The following HSBP1 variants were observed in gnomAD, a reference collection of about 807,000 sequenced individuals.
HSBP1 encodes heat shock factor-binding protein 1.
Under a neutral mutation model 9.6 loss-of-function variants are expected in HSBP1, and 5 were observed. The observed-to-expected ratio is 0.52, with a 90% CI of 0.27 to 1.09. The LOEUF (loss-of-function observed/expected upper bound fraction) is 1.09. Among genes scored for constraint, HSBP1 ranks in the 50% least tolerant of loss-of-function variants. The pLI, the probability that HSBP1 is intolerant of heterozygous loss-of-function variation, is 0.11. For missense variants in HSBP1, 121 were observed against 96.3 expected (o/e 1.26, Z -1.07); for synonymous variants, 42 against 33.3 (o/e 1.26, Z -0.90).
rs11558775 is a variant in HSBP1, at chr16:83,811,473, C to T, written c.*55C>T. On this transcript the variant is annotated 3_prime_UTR_variant, in exon 4 of 4. Transcript: ENST00000433866. ...GCATTTTTCCAAGCCAAGAGAAGAT[C>T]GAATGGCTTTTTGCAGCTAACTACT... 14 of 152,138 alleles carry T rather than the reference C, an allele frequency of 9.2e-5. No homozygotes were observed. The highest frequency in any genetic ancestry group is 3.1e-4 in the African/African-American group (13 of 41,422). 9.4% of individuals were successfully genotyped at this position (152,138 alleles called of 1,614,324 possible). A position where few individuals can be genotyped will look rare whatever the true frequency, so the allele number is the denominator to read the frequency against.
chr16:83,812,711 A>C lies in HSBP1; in HGVS notation c.*1293A>C, dbSNP rs1002087343. The C allele has an allele frequency of 2.0e-5, 3 of 152,168 alleles. No individual in the cohort carries two copies. In the East Asian group the frequency reaches 5.8e-4, roughly 29 times the overall value. 9.4% of individuals were successfully genotyped at this position (152,168 alleles called of 1,614,324 possible). A position where few individuals can be genotyped will look rare whatever the true frequency, so the allele number is the denominator to read the frequency against. ...ATGAATTCACCACTCTGGTTACCCA[A>C]CTACAGAACCTCCTTTGATCAGGCC... On this transcript the variant is annotated 3_prime_UTR_variant, in exon 4 of 4. Coordinates refer to ENST00000433866, the MANE Select transcript of HSBP1 (RefSeq NM_001537.4).
At chr16:83,809,911 A>C (rs1342105802) in intron 3 of HSBP1, among the ~76,000 whole-genome samples, 1 of 152,000 alleles carries the variant, frequency 6.6e-6, no homozygotes, top group Non-Finnish European at 1.5e-5. Flanking sequence ...GATGTTTTGA[A>C]ATTTTTCATG....
At chr16:83,810,824 A>G (rs1211557496) in intron 3 of HSBP1, among the ~76,000 whole-genome samples, 1 of 152,122 alleles carries the variant, frequency 6.6e-6, no homozygotes, top group Non-Finnish European at 1.5e-5. Flanking sequence ...AATAAAATAA[A>G]ATGGTTCCTG....
At position 83,815,361 on chromosome 16, in the gene HSBP1, T is replaced by C. The variant is rs1904695385; in HGVS notation, c.*3943T>C. The stretch of plus-strand genomic sequence containing the variant: ...CCATCTCTACAAAAAAGTAGAAAAA[T>C]TAGCCCAGAGTGTGGTGGCACACAT... On this transcript the variant is annotated 3_prime_UTR_variant, in exon 4 of 4. Transcript: ENST00000433866. The C allele has an allele frequency of 6.6e-6, 1 of 152,016 alleles. No individual in the cohort carries two copies. Among genetic ancestry groups the C allele is most frequent in the African/African-American group, 2.4e-5 (1 of 41,372 alleles). The allele number at this position is 152,016 out of a possible 1,614,324, so 9.4% of individuals were successfully genotyped here.
intron 3 of HSBP1, 49 bp from the exon 4 acceptor site, chr16:83,811,372 T>C (rs952074406): frequency 1.3e-5 from 2 of 152,242 alleles, no homozygotes; most frequent in Non-Finnish European, 2.9e-5. Flanking sequence ...CATTTTTACT[T>C]GTGCTCATAT....
intron 1 of HSBP1, 65 bp downstream of exon 1, chr16:83,808,186 T>A (rs1904505133): frequency 1.5e-6 from 2 of 1,364,182 alleles, no homozygotes; most frequent in Non-Finnish European, 2.0e-6. Flanking sequence ...CAAGCCCTGC[T>A]GGACAGAGGC....
chr16:83,815,355 G>C lies in HSBP1; in HGVS notation c.*3937G>C, dbSNP rs192964085. ...GAGACTCCATCTCTACAAAAAAGTA[G>C]AAAAATTAGCCCAGAGTGTGGTGGC... On this transcript the variant is annotated 3_prime_UTR_variant, in exon 4 of 4. Transcript: ENST00000433866. 2.6e-5 allele frequency: 4 copies of C among 152,178 alleles called. No individual in the cohort carries two copies. The highest frequency in any genetic ancestry group is 1.3e-4 in the Admixed American group (2 of 15,286). The allele number at this position is 152,178 out of a possible 1,614,324, so 9.4% of individuals were successfully genotyped here.
rs1213867323 is a variant in HSBP1, at chr16:83,817,955, T to C, written c.*6537T>C. On this transcript the variant is annotated 3_prime_UTR_variant, in exon 4 of 4. Coordinates refer to ENST00000433866, the MANE Select transcript of HSBP1 (RefSeq NM_001537.4). ...AATCAGCCTTTCCCTTTGATAGGTA[T>C]CTCTCCTGCAAGCCAGGCTCAGGTG... is the stretch of plus-strand genomic sequence containing the variant. The C allele has an allele frequency of 1.3e-5, 2 of 152,216 alleles. No homozygotes were observed. Among genetic ancestry groups the C allele is most frequent in the Non-Finnish European group, 2.9e-5 (2 of 68,056 alleles). 9.4% of individuals were successfully genotyped at this position (152,216 alleles called of 1,614,324 possible). A position where few individuals can be genotyped will look rare whatever the true frequency, so the allele number is the denominator to read the frequency against.
intron 3 of HSBP1, 123 bp downstream of exon 3, chr16:83,809,548 A>C (rs1904552380): frequency 3.5e-6 from 2 of 566,440 alleles, no homozygotes; most frequent in Non-Finnish European, 6.1e-6. Context: ...GGCTCCCTGC[A>C]ACCTTTGCCC....
At chr16:83,810,604 C>G (rs915295011) in intron 3 of HSBP1, among the ~76,000 whole-genome samples, 7 of 147,700 alleles carry the variant, frequency 4.7e-5, no homozygotes, top group Non-Finnish European at 1.0e-4. Context: ...CAAAGGCAGG[C>G]AGAGGGCAGA....
At chr16:83,808,321 C>T (rs2151030101) in intron 1 of HSBP1, 200 bp downstream of exon 1, 1 of 562,648 alleles carries the variant, frequency 1.8e-6, no homozygotes, top group South Asian at 2.2e-5. Flanking sequence ...GCGGGCGCCC[C>T]CAAGCCCGAC....
intron 3 of HSBP1, 88 bp downstream of exon 3, chr16:83,809,513 G>A (rs1389062431): frequency 1.4e-6 from 1 of 695,670 alleles, no homozygotes; most frequent in Non-Finnish European, 2.3e-6. Context: ...TTGTTGCCCA[G>A]GCTGGAGTGC....
chr16:83,817,065 G>A lies in HSBP1; in HGVS notation c.*5647G>A, dbSNP rs1331837614. 1 of 152,272 alleles carries A rather than the reference G, an allele frequency of 6.6e-6. No homozygotes were observed. The highest frequency in any genetic ancestry group is 1.9e-4 in the East Asian group (1 of 5,200). 9.4% of individuals were successfully genotyped at this position (152,272 alleles called of 1,614,324 possible). The stretch of plus-strand genomic sequence containing the variant: ...CAGTTCAAAGGCCCAAAACTGGGCA[G>A]CACCACAGAACCCTCACATCAGAAT... On this transcript the variant is annotated 3_prime_UTR_variant, in exon 4 of 4. Transcript: ENST00000433866.
Position 83,815,575 on chromosome 16 carries a change from G to T in HSBP1, c.*4157G>T, listed in dbSNP as rs1904701553. 2 of 152,020 alleles carry T rather than the reference G, an allele frequency of 1.3e-5. No homozygotes were observed. The highest frequency in any genetic ancestry group is 2.9e-5 in the Non-Finnish European group (2 of 68,042). The allele number at this position is 152,020 out of a possible 1,614,324, so 9.4% of individuals were successfully genotyped here. On this transcript the variant is annotated 3_prime_UTR_variant, in exon 4 of 4. Coordinates refer to ENST00000433866, the MANE Select transcript of HSBP1 (RefSeq NM_001537.4). ...TCACACCTGAGGCTCTCACTAAGAG[G>T]TGGCTGGAAGCTCCTCAGACCGCTG...
chr16:83,808,338 C>A, intron 1 of HSBP1: 1 of 553,848 alleles, frequency 1.8e-6, no homozygotes, highest in South Asian at 2.3e-5. Flanking sequence ...CGACCCCTTC[C>A]AGTAGCCCCA....
Position 83,814,206 on chromosome 16 carries a change from G to GT in HSBP1, c.*2790dup, listed in dbSNP as rs1940280389. ...CATATCTAGCCCTGAAAGTTAACTG[G>GT]TTACAGTTACCAAATGTTCACAGCT... On this transcript the variant is annotated 3_prime_UTR_variant, in exon 4 of 4. Coordinates refer to ENST00000433866, the MANE Select transcript of HSBP1 (RefSeq NM_001537.4). 1 of 152,216 alleles carries GT rather than the reference G, an allele frequency of 6.6e-6. No individual in the cohort carries two copies. The highest frequency in any genetic ancestry group is 2.4e-5 in the African/African-American group (1 of 41,452). The allele number at this position is 152,216 out of a possible 1,614,324, so 9.4% of individuals were successfully genotyped here.
chr16:83,810,504 AGAGT>A (rs1029294081), intron 3 of HSBP1, among the ~76,000 whole-genome samples: 3 of 139,514 alleles, frequency 2.2e-5, no homozygotes, highest in African/African-American at 5.5e-5. Flanking sequence ...CCTGGGCGAC[AGAGT>A]GAGACTCTGT....
intron 3 of HSBP1, among the ~76,000 whole-genome samples, chr16:83,810,731 G>C (rs754527593): frequency 4.0e-5 from 6 of 150,076 alleles, no homozygotes; most frequent in Non-Finnish European, 7.4e-5. Flanking sequence ...GGCAGACTGA[G>C]ACAGGAGGCA....
rs1259610976 is a variant in HSBP1 at position 83,811,687 on chromosome 16, G to A, written c.*269G>A. 3 of 152,136 alleles carry A rather than the reference G, an allele frequency of 2.0e-5. No homozygotes were observed. The highest frequency in any genetic ancestry group is 2.9e-5 in the Non-Finnish European group (2 of 68,014). The allele number at this position is 152,136 out of a possible 1,614,324, so 9.4% of individuals were successfully genotyped here. A position where few individuals can be genotyped will look rare whatever the true frequency, so the allele number is the denominator to read the frequency against. ...TTGCATAACATTGTCAGATTTTTTA[G>A]TGTATTTCTGTGAAGTCATTTTTTT... is the stretch of plus-strand genomic sequence containing the variant. On this transcript the variant is annotated 3_prime_UTR_variant, in exon 4 of 4. Coordinates refer to ENST00000433866, the MANE Select transcript of HSBP1 (RefSeq NM_001537.4).
Sources: allele counts gnomAD v4.1 joint callset (sites outside exome capture counted in the v4.1 genomes callset), GRCh38; gene constraint gnomAD v4.1.1; transcripts MANE v1.5; gene names NCBI Gene and HGNC (gene_info 2026-07-23, HGNC 2026-07-21).